GOLGA1: variants seen among roughly 807,000 people sequenced by gnomAD.
GOLGA1 encodes the protein golgin subfamily A member 1.
In GOLGA1, 63 loss-of-function variants were observed where a neutral mutation model predicts 119.7. The ratio of observed to expected loss-of-function variants is 0.53; its 90% confidence interval spans 0.43 to 0.65. The LOEUF is 0.65. Among genes scored for constraint, GOLGA1 ranks in the 30% least tolerant of loss-of-function variants. GOLGA1 has a pLI of 0.00. For missense variants in GOLGA1, 798 were observed against 912.8 expected (o/e 0.87, Z 1.62); for synonymous variants, 318 against 333.4 (o/e 0.95, Z 0.50).
intron 14 of GOLGA1, 34 bp from the exon 15 acceptor site, chr9:124,898,678 C>T (rs762095006): frequency 8.1e-7 from 1 of 1,234,078 alleles, no homozygotes; most frequent in East Asian, 2.3e-5. Context: ...TAAAAGAAGT[C>T]TTCACTACCA....
intron 15 of GOLGA1, among the ~76,000 whole-genome samples, chr9:124,893,050 C>T (rs1414369485): frequency 6.6e-6 from 1 of 151,922 alleles, no homozygotes; most frequent in East Asian, 1.9e-4. Flanking sequence ...ACCCAGGCTG[C>T]AGTCCAGTTT....
At chr9:124,898,463 T>C (rs547978756) in intron 15 of GOLGA1, 86 bp downstream of exon 15, 2 of 787,672 alleles carry the variant, frequency 2.5e-6, no homozygotes, top group Admixed American at 2.1e-5. Flanking sequence ...CCTCCTGTAC[T>C]GTAAGTATGA....
intron 19 of GOLGA1, among the ~76,000 whole-genome samples, chr9:124,883,832 C>A (rs1283667575): frequency 2.6e-5 from 4 of 152,098 alleles, no homozygotes; most frequent in Non-Finnish European, 5.9e-5. Flanking sequence ...AAGCAATTCT[C>A]CCACTTCAAC....
upstream of GOLGA1, chr9:124,943,993 A>T (rs1422807433): frequency 1.3e-5 from 2 of 152,208 alleles, no homozygotes; most frequent in Non-Finnish European, 2.9e-5. Flanking sequence ...TGTAAACTCT[A>T]CTATGAAAAT....
intron 3 of GOLGA1, among the ~76,000 whole-genome samples, chr9:124,935,167 GT>G (rs1403071769): frequency 6.6e-6 from 1 of 152,190 alleles, no homozygotes; most frequent in African/African-American, 2.4e-5. Flanking sequence ...TGCCCAAACA[GT>G]TTAGGATCAG....
chr9:124,900,693 A>G, intron 12 of GOLGA1, 146 bp from the exon 13 acceptor site: 1 of 505,784 alleles, frequency 2.0e-6, no homozygotes, highest in South Asian at 3.0e-5. Context: ...TAAGTCTACC[A>G]TTATAAAACA....
chr9:124,947,677 T>C (rs939110674), intron 1 of GOLGA1: 4 of 152,218 alleles, frequency 2.6e-5, no homozygotes, highest in African/African-American at 9.6e-5. Context: ...AGAGATTGCA[T>C]GTAGCATCAC....
chr9:124,917,440 C>T (rs1258926056), intron 10 of GOLGA1, among the ~76,000 whole-genome samples: 1 of 152,142 alleles, frequency 6.6e-6, no homozygotes, highest in Non-Finnish European at 1.5e-5. Flanking sequence ...CCATAAATCA[C>T]CCATAAAAAT....
At position 124,920,795 on chromosome 9, in the gene GOLGA1, G is replaced by A. The variant is rs191140291; in HGVS notation, c.843+334C>T. Among the ~76,000 whole-genome samples the A allele has an allele frequency of 1.6e-3, 240 of 150,634 alleles. 1 individual carries two copies. Among genetic ancestry groups the A allele is most frequent in the African/African-American group, 5.7e-3 (232 of 41,020 alleles). On this transcript the variant is annotated intron_variant, in intron 10 of 22. Transcript: ENST00000373555. ...CTAAAAATACAAAAATTAGCCGGGT[G>A]TGGTGGCGGGCGCCTATAATACCTG...
intron 11 of GOLGA1, among the ~76,000 whole-genome samples, chr9:124,910,605 G>C (rs1401518839): frequency 6.6e-6 from 1 of 152,144 alleles, no homozygotes; most frequent in Non-Finnish European, 1.5e-5. Flanking sequence ...CAAACACAAA[G>C]AGATTAAATT....
chr9:124,935,024 G>A (rs758433824), intron 3 of GOLGA1, among the ~76,000 whole-genome samples: 4 of 152,126 alleles, frequency 2.6e-5, no homozygotes, highest in Non-Finnish European at 5.9e-5. Flanking sequence ...TCCAGCCTGG[G>A]TGCCAGAAAG....
rs1456664573 is a variant in GOLGA1 at position 124,923,101 on chromosome 9, C to G, written c.555G>C (p.Lys185Asn). 1 of 1,605,356 alleles carries G rather than the reference C, an allele frequency of 6.2e-7. No individual in the cohort carries two copies. The highest frequency in any genetic ancestry group is 2.2e-5 in the East Asian group (1 of 44,780). The change falls in exon 8 of 23, where the codon AAG becomes AAC. Residue 185 changes from lysine (K) to asparagine (N), a missense_variant. Transcript: ENST00000373555. ...GFQQQELSKI[K>N]HMLLKKEESL... Reference sequence around the variant, plus strand: ...CTAAAACAAAAATGCATACCATGTGCTTTATTTTACTTAGTTCCTGCTGCT... The same window carrying G: ...CTAAAACAAAAATGCATACCATGTGGTTTATTTTACTTAGTTCCTGCTGCT...
chr9:124,928,579 G>A (rs1350495259), intron 5 of GOLGA1, among the ~76,000 whole-genome samples: 1 of 152,162 alleles, frequency 6.6e-6, no homozygotes, highest in Admixed American at 6.6e-5. Flanking sequence ...ATAGAACACT[G>A]AGTTAGGTAG....
At chr9:124,904,027 C>A (rs1830165508) in intron 12 of GOLGA1, among the ~76,000 whole-genome samples, 2 of 150,848 alleles carry the variant, frequency 1.3e-5, no homozygotes, top group South Asian at 4.2e-4. Flanking sequence ...CGTGCCACTG[C>A]ACTCCAGCCT....
intron 12 of GOLGA1, among the ~76,000 whole-genome samples, chr9:124,908,064 A>G (rs983284987): frequency 7.9e-5 from 12 of 152,256 alleles, no homozygotes; most frequent in African/African-American, 2.9e-4. Context: ...TGCATCATTT[A>G]CAGAAATTAA....
At chr9:124,933,799 A>T (rs1232639424) in intron 3 of GOLGA1, among the ~76,000 whole-genome samples, 1 of 152,178 alleles carries the variant, frequency 6.6e-6, no homozygotes, top group Non-Finnish European at 1.5e-5. Flanking sequence ...TGAGTCTCTA[A>T]TGAGCTTCCC....
upstream of GOLGA1, among the ~76,000 whole-genome samples, chr9:124,942,178 G>A (rs1445293853): frequency 6.6e-6 from 1 of 152,178 alleles, no homozygotes; most frequent in Non-Finnish European, 1.5e-5. Context: ...GCTGAGGCAG[G>A]ATAATCGCTT....
At chr9:124,929,552 T>C (rs1453503119) in intron 4 of GOLGA1, among the ~76,000 whole-genome samples, 1 of 152,222 alleles carries the variant, frequency 6.6e-6, no homozygotes, top group Non-Finnish European at 1.5e-5. Context: ...GAATTAGGCT[T>C]AGCCTGGTGA....
Position 124,881,118 on chromosome 9 carries a change from G to T in GOLGA1, c.2223+53C>A. On this transcript the variant is annotated intron_variant, in intron 22 of 22. Coordinates refer to ENST00000373555, the MANE Select transcript of GOLGA1 (RefSeq NM_002077.4). The surrounding 1 kb of genome is among the most constrained non-coding windows in gnomAD (Gnocchi z 4.9). ...AAGGGGTCTTACACTGCTACTGCTGGGATAACTGACAACGTATCTTGGAAG... is the reference window on the plus strand; with the variant it reads ...AAGGGGTCTTACACTGCTACTGCTGTGATAACTGACAACGTATCTTGGAAG... 2.1e-6 allele frequency: 2 copies of T among 954,354 alleles called. No individual in the cohort carries two copies. The highest frequency in any genetic ancestry group is 3.5e-6 in the Non-Finnish European group (2 of 576,320). The allele number at this position is 954,354 out of a possible 1,614,324, so 59.1% of individuals were successfully genotyped here.
Sources: gnomAD v4.1 joint callset for allele counts (sites outside exome capture counted in the v4.1 genomes callset) on GRCh38, gnomAD v4.1.1 for gene constraint, Gnocchi (gnomAD v3.1) non-coding constraint, MANE v1.5 for transcripts, NCBI Gene and HGNC (gene_info 2026-07-23, HGNC 2026-07-21) for gene names.